The following ZNF644 variants were observed in gnomAD, a reference collection of about 807,000 sequenced individuals.
ZNF644 encodes the protein zinc finger motif enhancer binding protein 2.
Under a neutral mutation model 108.0 loss-of-function variants are expected in ZNF644, and 20 were observed. That is an observed-to-expected ratio of 0.19 (90% CI 0.13 to 0.27). The LOEUF (loss-of-function observed/expected upper bound fraction) is 0.27, where lower values mean the gene tolerates loss of function less well. Among genes scored for constraint, ZNF644 ranks in the 10% least tolerant of loss-of-function variants. ZNF644 has a pLI of 1.00. For synonymous variants in ZNF644, 542 were observed against 539.1 expected (o/e 1.01, Z -0.08); for missense variants, 1,338 against 1,548.9 (o/e 0.86, Z 2.29).
rs1557658483 is a variant in ZNF644 at position 91,007,220 on chromosome 1, A to ATTTTTTTTTTTTTT, written c.-18+14769_-18+14770insAAAAAAAAAAAAAA. 9.9e-5 allele frequency among the ~76,000 whole-genome samples: 3 copies of ATTTTTTTTTTTTTT among 30,314 alleles called. 1 individual carries two copies. The highest frequency in any genetic ancestry group is 2.0e-4 in the Non-Finnish European group (3 of 15,276). The allele number at this position is 30,314 out of a possible 152,430, so 19.9% of individuals were successfully genotyped here. On this transcript the variant is annotated intron_variant, in intron 1 of 5. Transcript: ENST00000337393. ...TTCTTAATTTCTTCCATTTTCTCCC[A>ATTTTTTTTTTTTTT]TTTTGTTTTTTTTTTTTTTTTTTTT...
intron 2 of ZNF644, among the ~76,000 whole-genome samples, chr1:90,976,574 A>G (rs12073306): frequency 0.015 from 2,225 of 152,332 alleles, 63 homozygotes; most frequent in African/African-American, 0.051. Context: ...AGCCTTTGTT[A>G]GGTTTAAAAA....
intron 4 of ZNF644, among the ~76,000 whole-genome samples, chr1:90,929,420 G>A (rs1209419260): frequency 6.6e-6 from 1 of 152,142 alleles, no homozygotes; most frequent in African/African-American, 2.4e-5. Context: ...GAATTGTCAA[G>A]GAGTTTGCTT....
chr1:90,972,246 A>G (rs1334734309), intron 2 of ZNF644, among the ~76,000 whole-genome samples: 1 of 152,244 alleles, frequency 6.6e-6, no homozygotes, highest in East Asian at 1.9e-4. Flanking sequence ...ATGTTATCTA[A>G]CAAGGGATTA....
intron 4 of ZNF644, among the ~76,000 whole-genome samples, chr1:90,937,051 C>T (rs1178356442): frequency 6.6e-6 from 1 of 152,154 alleles, no homozygotes; most frequent in Non-Finnish European, 1.5e-5. Flanking sequence ...GAAAAACCAA[C>T]AGCTAAATCT....
chr1:90,937,015 G>C (rs1306388551), intron 4 of ZNF644, among the ~76,000 whole-genome samples: 1 of 152,116 alleles, frequency 6.6e-6, no homozygotes. Context: ...AGCTTTAAGA[G>C]TCTGTTTTGT....
chr1:90,959,680 A>T (rs1654125822), intron 2 of ZNF644, among the ~76,000 whole-genome samples: 1 of 152,192 alleles, frequency 6.6e-6, no homozygotes, highest in South Asian at 2.1e-4. Context: ...ATATAGAGAC[A>T]GAAAGTAAAG....
intron 1 of ZNF644, among the ~76,000 whole-genome samples, chr1:90,992,659 C>T (rs1473836878): frequency 6.6e-6 from 1 of 152,126 alleles, no homozygotes; most frequent in African/African-American, 2.4e-5. Context: ...TCTAATTTTA[C>T]CAACTGAAAC....
At chr1:90,935,742 G>A (rs1234584509) in intron 4 of ZNF644, among the ~76,000 whole-genome samples, 4 of 152,168 alleles carry the variant, frequency 2.6e-5, no homozygotes, top group Admixed American at 6.5e-5. Context: ...AAAGGTAGAC[G>A]AGGAGTGACT....
chr1:90,926,812 T>C (rs1026236052), intron 4 of ZNF644, among the ~76,000 whole-genome samples: 1 of 152,206 alleles, frequency 6.6e-6, no homozygotes, highest in African/African-American at 2.4e-5. Context: ...TACAGGACTC[T>C]TAAAATGATC....
chr1:90,986,607 T>C (rs1294856235), intron 1 of ZNF644, among the ~76,000 whole-genome samples: 3 of 152,034 alleles, frequency 2.0e-5, no homozygotes, highest in African/African-American at 4.8e-5. Context: ...CTGCTGAAAT[T>C]TGTTGTAAAT....
At chr1:91,013,775 G>A (rs1648318486) in intron 1 of ZNF644, among the ~76,000 whole-genome samples, 1 of 152,100 alleles carries the variant, frequency 6.6e-6, no homozygotes, top group Non-Finnish European at 1.5e-5. Context: ...GAATTGAGAT[G>A]TGCTTTAAGT....
intron 1 of ZNF644, among the ~76,000 whole-genome samples, chr1:91,007,403 A>G (rs995770633): frequency 6.6e-6 from 1 of 151,826 alleles, no homozygotes; most frequent in Admixed American, 6.6e-5. Flanking sequence ...TAGCAGAGAC[A>G]GGGTTTTACC....
At chr1:90,981,899 A>G (rs1170082326) in intron 2 of ZNF644, among the ~76,000 whole-genome samples, 1 of 152,112 alleles carries the variant, frequency 6.6e-6, no homozygotes, top group Non-Finnish European at 1.5e-5. Flanking sequence ...TTAAAAATGA[A>G]GCAAAATTCA....
chr1:90,977,965 G>A (rs1656172490), intron 2 of ZNF644, among the ~76,000 whole-genome samples: 1 of 152,184 alleles, frequency 6.6e-6, no homozygotes, highest in Non-Finnish European at 1.5e-5. Flanking sequence ...AGTGCTGGGT[G>A]GGAGAGAAGA....
At chr1:90,953,965 T>G (rs1653467016) in intron 2 of ZNF644, among the ~76,000 whole-genome samples, 1 of 152,114 alleles carries the variant, frequency 6.6e-6, no homozygotes, top group Non-Finnish European at 1.5e-5. Context: ...TTTATTGCTT[T>G]AAAAAAATGC....
chr1:90,948,225 TG>T (rs1557585262), intron 2 of ZNF644, among the ~76,000 whole-genome samples: 1 of 152,246 alleles, frequency 6.6e-6, no homozygotes, highest in Admixed American at 6.5e-5. Context: ...ATTTGCTTAA[TG>T]TTTATTCAGG....
chr1:90,981,211 AATT>A (rs768078927), intron 2 of ZNF644, among the ~76,000 whole-genome samples: 4 of 152,104 alleles, frequency 2.6e-5, no homozygotes, highest in Non-Finnish European at 4.4e-5. Flanking sequence ...TACAGAAGTA[AATT>A]ATTATTCCTA....
chr1:90,992,170 G>T (rs1657698969), intron 1 of ZNF644, among the ~76,000 whole-genome samples: 1 of 152,112 alleles, frequency 6.6e-6, no homozygotes, highest in Admixed American at 6.5e-5. Context: ...ACAGGCATAA[G>T]GAAACTTTTT....
At chr1:90,993,761 G>A (rs1019068522) in intron 1 of ZNF644, among the ~76,000 whole-genome samples, 1 of 152,162 alleles carries the variant, frequency 6.6e-6, no homozygotes, top group Non-Finnish European at 1.5e-5. Context: ...CATTTTGTAA[G>A]TAATGTCACC....
Sources: gnomAD v4.1 joint callset for allele counts (sites outside exome capture counted in the v4.1 genomes callset) on GRCh38, gnomAD v4.1.1 for gene constraint, MANE v1.5 for transcripts, NCBI Gene and HGNC (gene_info 2026-07-23, HGNC 2026-07-21) for gene names.